The following GADL1 variants were observed in gnomAD, a reference collection of about 807,000 sequenced individuals.
GADL1 encodes GAD like acidic amino acid decarboxylase 1, also known as acidic amino acid decarboxylase GADL1.
GADL1 carries 71 observed loss-of-function variants against 69.5 expected under a neutral mutation model. The observed-to-expected ratio is 1.02, with a 90% CI of 0.84 to 1.25. The LOEUF is 1.25. Ranked by LOEUF, GADL1 falls within the 50% of genes most tolerant of loss-of-function variation. GADL1 has a pLI of 0.00. For synonymous variants in GADL1, 254 were observed against 214.4 expected, an observed-to-expected ratio of 1.18 and a Z score of -1.62; for missense variants, 737 against 631.8, an observed-to-expected ratio of 1.17 and a Z score of -1.79.
chr3:30,777,638 C>T (rs1443451681), intron 14 of GADL1, among the ~76,000 whole-genome samples: 1 of 152,176 alleles, frequency 6.6e-6, no homozygotes, highest in Non-Finnish European at 1.5e-5. Context: ...CACACGGTAT[C>T]ATCAGCCCCA....
intron 14 of GADL1, among the ~76,000 whole-genome samples, chr3:30,756,532 G>A (rs1418166025): frequency 1.3e-5 from 2 of 152,110 alleles, no homozygotes; most frequent in Non-Finnish European, 2.9e-5. Context: ...CTGTAATCTA[G>A]CCTGGTCTTG....
At chr3:30,779,815 T>A (rs1193524702) in intron 13 of GADL1, among the ~76,000 whole-genome samples, 1 of 152,190 alleles carries the variant, frequency 6.6e-6, no homozygotes, top group East Asian at 1.9e-4. Flanking sequence ...TAAAATAATG[T>A]AGGTGGACTC....
intron 1 of GADL1, among the ~76,000 whole-genome samples, chr3:30,863,053 A>ACT (rs60151925): frequency 5.4e-5 from 8 of 149,280 alleles, no homozygotes; most frequent in South Asian, 2.1e-4. Context: ...ACACACACAC[A>ACT]CTCTCTCTCA....
rs575675852 is a variant in GADL1 at position 30,727,373 on chromosome 3, T to C, written c.*869A>G. ...TGTATTTTTCTGTCAATTATTGTGC[T>C]TTCAATTATTGTGCTTTGAATTATA... On this transcript the variant is annotated 3_prime_UTR_variant, in exon 15 of 15. Transcript: ENST00000282538. The C allele has an allele frequency of 5.7e-4, 85 of 149,350 alleles. No homozygotes were observed. The highest frequency in any genetic ancestry group is 9.9e-4 in the Non-Finnish European group (67 of 67,490). 9.3% of individuals were successfully genotyped at this position (149,350 alleles called of 1,614,324 possible). A position where few individuals can be genotyped will look rare whatever the true frequency, so the allele number is the denominator to read the frequency against.
At chr3:30,813,316 A>AT (rs1697396085) in intron 11 of GADL1, among the ~76,000 whole-genome samples, 1 of 152,178 alleles carries the variant, frequency 6.6e-6, no homozygotes, top group African/African-American at 2.4e-5. Flanking sequence ...GAAAAAATAT[A>AT]TTTATTAACA....
intron 12 of GADL1, among the ~76,000 whole-genome samples, chr3:30,789,994 C>G (rs1443970525): frequency 6.6e-6 from 1 of 152,214 alleles, no homozygotes; most frequent in Non-Finnish European, 1.5e-5. Context: ...TAATTTCCCT[C>G]AAGAACTTTT....
At position 30,776,079 on chromosome 3, in the gene GADL1, G is replaced by A. The variant is rs544575875; in HGVS notation, c.1392+2100C>T. Among the ~76,000 whole-genome samples the A allele has an allele frequency of 1.6e-4, 23 of 142,586 alleles. 1 individual carries two copies. Among genetic ancestry groups the A allele is most frequent in the African/African-American group, 5.7e-4 (19 of 33,260 alleles). The allele number at this position is 142,586 out of a possible 152,430, so 93.5% of individuals were successfully genotyped here. The stretch of plus-strand genomic sequence containing the variant: ...CCAGCCTGGGCGACAGCAAGACTCC[G>A]TCTTGGAAAAAAAAAATGCATTATA... On this transcript the variant is annotated intron_variant, in intron 14 of 14. Coordinates refer to ENST00000282538, the MANE Select transcript of GADL1 (RefSeq NM_207359.3).
intron 13 of GADL1, among the ~76,000 whole-genome samples, chr3:30,785,568 G>C (rs1696771348): frequency 6.6e-6 from 1 of 151,984 alleles, no homozygotes; most frequent in African/African-American, 2.4e-5. Flanking sequence ...TTTTAGTAGA[G>C]ACAGGGTTTC....
At chr3:30,824,148 TGTTAAATA>T (rs1264343894) in intron 11 of GADL1, among the ~76,000 whole-genome samples, 4 of 151,780 alleles carry the variant, frequency 2.6e-5, no homozygotes, top group Non-Finnish European at 5.9e-5. Flanking sequence ...GGAACATCCT[TGTTAAATA>T]GTAGAAATAT....
chr3:30,879,136 A>G (rs566552804), intron 1 of GADL1, among the ~76,000 whole-genome samples: 4 of 151,916 alleles, frequency 2.6e-5, no homozygotes, highest in Non-Finnish European at 5.9e-5. Context: ...ACATCTTTAG[A>G]GCATTCATAC....
At chr3:30,813,452 C>T (rs1697400286) in intron 11 of GADL1, among the ~76,000 whole-genome samples, 1 of 152,188 alleles carries the variant, frequency 6.6e-6, no homozygotes, top group Admixed American at 6.5e-5. Context: ...TGGAATGAGG[C>T]TGGAAGAGCA....
intron 12 of GADL1, among the ~76,000 whole-genome samples, chr3:30,789,386 T>C (rs1696867009): frequency 6.6e-6 from 1 of 152,232 alleles, no homozygotes; most frequent in South Asian, 2.1e-4. Context: ...AGAGATGTGC[T>C]GTCACAGGCT....
intron 13 of GADL1, chr3:30,779,132 G>C (rs1235274851): frequency 1.3e-5 from 2 of 152,190 alleles, no homozygotes; most frequent in Non-Finnish European, 2.9e-5. Flanking sequence ...TTGTCACGCA[G>C]ACAAGGCTTT....
chr3:30,812,007 A>G lies in GADL1; in HGVS notation c.1051-10919T>C, dbSNP rs148185953. The stretch of plus-strand genomic sequence containing the variant: ...AGAAGTTTAAGTCAACATTACATTC[A>G]TGTTGGGACTACAGAAGTCTGAAGT... On this transcript the variant is annotated intron_variant, in intron 11 of 14. Coordinates refer to ENST00000282538, the MANE Select transcript of GADL1 (RefSeq NM_207359.3). 2.1e-3 allele frequency among the ~76,000 whole-genome samples: 318 copies of G among 152,300 alleles called. 2 individuals are homozygous for G. Among genetic ancestry groups the G allele is most frequent in the African/African-American group, 7.4e-3 (308 of 41,586 alleles).
rs373318328 is a variant in GADL1 at position 30,787,761 on chromosome 3, ATCT to A, written c.1251-1358_1251-1356del. On this transcript the variant is annotated intron_variant, in intron 12 of 14. Coordinates refer to ENST00000282538, the MANE Select transcript of GADL1 (RefSeq NM_207359.3). ...TTACCTGTAAAACTGGACTAATACA[ATCT>A]TCTTCAATTTGAAATGGTTTTTTAA... Among the ~76,000 whole-genome samples, 139 of 152,246 alleles carry A rather than the reference ATCT, an allele frequency of 9.1e-4. 2 individuals carry two copies. The highest frequency in any genetic ancestry group is 1.6e-3 in the Non-Finnish European group (110 of 68,012).
At chr3:30,738,184 A>G (rs1042639471) in intron 14 of GADL1, among the ~76,000 whole-genome samples, 8 of 152,298 alleles carry the variant, frequency 5.3e-5, no homozygotes, top group Non-Finnish European at 7.4e-5. Context: ...CTATGTTGGG[A>G]GATCCCTGTA....
chr3:30,762,143 T>C lies in GADL1; in HGVS notation c.1392+16036A>G, dbSNP rs571660214. ...AGAAGGCAGCAGGAAAGTCTTTACA[T>C]AGTGGAATTTGAAGGAGTCAATGGC... is the stretch of plus-strand genomic sequence containing the variant. On this transcript the variant is annotated intron_variant, in intron 14 of 14. Coordinates refer to ENST00000282538, the MANE Select transcript of GADL1 (RefSeq NM_207359.3). 2.6e-5 allele frequency among the ~76,000 whole-genome samples: 4 copies of C among 152,248 alleles called. No individual in the cohort carries two copies. In the East Asian group the frequency reaches 7.7e-4, roughly 29 times the overall value.
intron 9 of GADL1, among the ~76,000 whole-genome samples, chr3:30,838,716 C>T (rs755178030): frequency 2.0e-5 from 3 of 152,094 alleles, no homozygotes; most frequent in Non-Finnish European, 2.9e-5. Flanking sequence ...GGGTGCCTTA[C>T]ACCAGGCTGC....
At chr3:30,808,342 C>T (rs934063972) in intron 11 of GADL1, among the ~76,000 whole-genome samples, 1 of 151,874 alleles carries the variant, frequency 6.6e-6, no homozygotes, top group Non-Finnish European at 1.5e-5. Context: ...ACTAAAAATA[C>T]AAAAATTAAC....
Sources: gnomAD v4.1 joint callset for allele counts (sites outside exome capture counted in the v4.1 genomes callset) on GRCh38, gnomAD v4.1.1 for gene constraint, MANE v1.5 for transcripts, NCBI Gene and HGNC (gene_info 2026-07-23, HGNC 2026-07-21) for gene names.